The following GGA2 variants were observed in gnomAD, a reference collection of about 807,000 sequenced individuals.
GGA2 encodes the protein golgi associated, gamma adaptin ear containing, ARF binding protein 2.
A neutral mutation model predicts 79.5 loss-of-function variants in GGA2; 48 were observed. The observed-to-expected ratio is 0.60, with a 90% CI of 0.48 to 0.77. The LOEUF is 0.77. Ranked by LOEUF, GGA2 falls within the 30% of genes least tolerant of loss-of-function variation. GGA2 has a pLI of 0.00. For missense variants in GGA2, 770 were observed against 774.0 expected, an observed-to-expected ratio of 0.99 and a Z score of 0.06; for synonymous variants, 317 against 302.0, an observed-to-expected ratio of 1.05 and a Z score of -0.51.
chr16:23,510,356 G>T lies in GGA2; in HGVS notation c.56C>A (p.Pro19His), dbSNP rs1034211931. 4.9e-6 allele frequency: 7 copies of T among 1,437,044 alleles called. No homozygotes were observed. Among genetic ancestry groups the T allele is most frequent in the Non-Finnish European group, 5.5e-6 (6 of 1,095,912 alleles). 89.0% of individuals were successfully genotyped at this position (1,437,044 alleles called of 1,614,324 possible). ...CTCCAGCGACGCTGCCGGGCCCGGG[G>T]GACCCTGGGCCGACTCGGTTCCCGC... ...AVAGTESAQG[P>H]PGPAASLELW... The change falls in exon 1 of 17, where the codon CCC (proline) becomes CAC (histidine). Residue 19 changes from proline to histidine, a missense_variant. Physicochemically the swap from Pro to His is moderately conservative, Grantham distance 77. Transcript: ENST00000309859.
At chr16:23,478,242 AAG>A in intron 13 of GGA2, 124 bp downstream of exon 13, 2 of 665,000 alleles carry the variant, frequency 3.0e-6, no homozygotes, top group South Asian at 3.5e-5. Flanking sequence ...AAAAAAAAGA[AAG>A]AAAGAAAGAT....
chr16:23,494,390 CAA>C lies in GGA2; in HGVS notation c.177-14_177-13del, dbSNP rs773428937. ...GCGCATGTGTGGGGCTACAGGGAAA[CAA>C]AAAGACCTAGACTCTGGGCGGGCAA... is the stretch of plus-strand genomic sequence containing the variant. On this transcript the variant is annotated splice_polypyrimidine_tract_variant and intron_variant, in intron 2 of 16. Coordinates refer to ENST00000309859, the MANE Select transcript of GGA2 (RefSeq NM_015044.4). The C allele has an allele frequency of 3.2e-6, 5 of 1,580,906 alleles. No homozygotes were observed. In the East Asian group the frequency reaches 1.1e-4, roughly 35 times the overall value.
chr16:23,467,289 G>A lies in GGA2; in HGVS notation c.*301C>T, dbSNP rs1327191166. 3 of 303,870 alleles carry A rather than the reference G, an allele frequency of 9.9e-6. No homozygotes were observed. Among genetic ancestry groups the A allele is most frequent in the Non-Finnish European group, 1.8e-5 (3 of 162,288 alleles). 18.8% of individuals were successfully genotyped at this position (303,870 alleles called of 1,614,324 possible). A position where few individuals can be genotyped will look rare whatever the true frequency, so the allele number is the denominator to read the frequency against. Reference sequence around the variant, plus strand: ...CAGGGACAGTGTCGCTCGCTGACATGCAGAAACATGACTGTAGCAGAGATG... The same window carrying A: ...CAGGGACAGTGTCGCTCGCTGACATACAGAAACATGACTGTAGCAGAGATG... On this transcript the variant is annotated 3_prime_UTR_variant, in exon 17 of 17. Transcript: ENST00000309859.
Position 23,468,917 on chromosome 16 carries a change from G to A in GGA2, c.1700C>T (p.Ser567Phe), listed in dbSNP as rs1282835355. 2 of 1,609,030 alleles carry A rather than the reference G, an allele frequency of 1.2e-6. No homozygotes were observed. Among genetic ancestry groups the A allele is most frequent in the South Asian group, 1.1e-5 (1 of 90,992 alleles). ...TGGATTGTCAAGCAGCAGCATCTGA[G>A]ATATCACAGCTGGAGGCATCAAAGG... ...FSPLMPPAVI[S>F]QMLLLDNPHK... The change falls in exon 16 of 17, where the codon TCT becomes TTT. Residue 567 changes from serine to phenylalanine, a missense_variant. Ser to Phe is a radical substitution (Grantham distance 155). Coordinates refer to ENST00000309859, the MANE Select transcript of GGA2 (RefSeq NM_015044.4).
chr16:23,493,330 C>G (rs778352250), intron 4 of GGA2, 30 bp downstream of exon 4: 1 of 1,298,788 alleles, frequency 7.7e-7, no homozygotes, highest in Non-Finnish European at 1.1e-6. Context: ...AGGTGCGACA[C>G]AGTCAGCAGA....
At chr16:23,494,813 G>A (rs1442261134) in intron 2 of GGA2, among the ~76,000 whole-genome samples, 6 of 152,254 alleles carry the variant, frequency 3.9e-5, no homozygotes, top group Admixed American at 1.3e-4. Context: ...CAGGCACAGT[G>A]GCTCACGCCT....
At chr16:23,476,177 A>T (rs1382535469) in intron 13 of GGA2, among the ~76,000 whole-genome samples, 2 of 152,226 alleles carry the variant, frequency 1.3e-5, no homozygotes, top group African/African-American at 2.4e-5. Flanking sequence ...CAAACTGAAA[A>T]CATTTTAGAA....
At chr16:23,501,971 G>A (rs988044271) in intron 1 of GGA2, among the ~76,000 whole-genome samples, 1 of 152,156 alleles carries the variant, frequency 6.6e-6, no homozygotes, top group African/African-American at 2.4e-5. Flanking sequence ...TCCCTGCTCA[G>A]AGTCCACAAT....
intron 9 of GGA2, 82 bp downstream of exon 9, chr16:23,482,841 T>A (rs895955015): frequency 2.3e-6 from 2 of 873,880 alleles, no homozygotes; most frequent in Non-Finnish European, 3.9e-6. Flanking sequence ...TCTGTCTTGT[T>A]CCTGGCACAG....
chr16:23,516,068 T>C (rs927290975), intron 2 of GGA2, among the ~76,000 whole-genome samples: 1 of 151,144 alleles, frequency 6.6e-6, no homozygotes, highest in African/African-American at 2.4e-5. Flanking sequence ...AGAGCAGTGG[T>C]ACAATCACAG....
chr16:23,507,265 C>T (rs1021386764), intron 1 of GGA2, among the ~76,000 whole-genome samples: 2 of 152,126 alleles, frequency 1.3e-5, no homozygotes, highest in African/African-American at 2.4e-5. Context: ...ACAGGAAGAT[C>T]TAGCAACTTT....
chr16:23,497,602 C>T (rs530551760), intron 1 of GGA2, among the ~76,000 whole-genome samples: 2 of 152,176 alleles, frequency 1.3e-5, no homozygotes, highest in African/African-American at 2.4e-5. Flanking sequence ...TCCCCACCCC[C>T]GCAAAGCTCT....
chr16:23,485,436 C>A lies in GGA2; in HGVS notation c.798+579G>T, dbSNP rs536030417. Among the ~76,000 whole-genome samples the A allele has an allele frequency of 2.6e-5, 4 of 152,292 alleles. No individual in the cohort carries two copies. In the East Asian group the frequency reaches 7.7e-4, roughly 29 times the overall value. Reference sequence around the variant, plus strand: ...CTGCTGTTAGGACTGTAAAATGGTGCAATCACCCTTGAAGATAGCTTAGCC... The same window carrying A: ...CTGCTGTTAGGACTGTAAAATGGTGAAATCACCCTTGAAGATAGCTTAGCC... On this transcript the variant is annotated intron_variant, in intron 8 of 16. Transcript: ENST00000309859.
Position 23,466,868 on chromosome 16 carries a change from G to GC in GGA2, c.*721dup, listed in dbSNP as rs1964443810. The GC allele has an allele frequency of 6.5e-6, 1 of 152,838 alleles. No homozygotes were observed. Among genetic ancestry groups the GC allele is most frequent in the Non-Finnish European group, 1.5e-5 (1 of 68,210 alleles). The allele number at this position is 152,838 out of a possible 1,614,324, so 9.5% of individuals were successfully genotyped here. A position where few individuals can be genotyped will look rare whatever the true frequency, so the allele number is the denominator to read the frequency against. On this transcript the variant is annotated 3_prime_UTR_variant, in exon 17 of 17. Transcript: ENST00000309859. ...CCCATGGACCTGAGGCCTGAGTAAG[G>GC]CCTGGGAGCTGCTTTCCCCTCTGCC...
chr16:23,519,550 AT>A, intron 2 of GGA2: 1 of 390,430 alleles, frequency 2.6e-6, no homozygotes, highest in Non-Finnish European at 5.1e-6. Flanking sequence ...AATATTGGTT[AT>A]TTAATTGGTG....
chr16:23,487,878 C>T (rs551310046), intron 6 of GGA2, among the ~76,000 whole-genome samples: 36 of 152,106 alleles, frequency 2.4e-4, no homozygotes, highest in African/African-American at 7.5e-4. Flanking sequence ...GAAACGAGTA[C>T]GCAGCGTGTA....
At chr16:23,476,514 G>A (rs926143008) in intron 13 of GGA2, among the ~76,000 whole-genome samples, 2 of 152,122 alleles carry the variant, frequency 1.3e-5, no homozygotes, top group African/African-American at 4.8e-5. Context: ...GTCCAAAAAA[G>A]GGAAATGATC....
chr16:23,492,444 G>C (rs1964800855), intron 4 of GGA2, among the ~76,000 whole-genome samples: 7 of 152,162 alleles, frequency 4.6e-5, no homozygotes, highest in Admixed American at 4.6e-4. Context: ...CCTAGTGCTA[G>C]TTCAAGCCAG....
At chr16:23,508,868 G>A (rs951066874) in intron 1 of GGA2, among the ~76,000 whole-genome samples, 1 of 152,056 alleles carries the variant, frequency 6.6e-6, no homozygotes, top group Non-Finnish European at 1.5e-5. Flanking sequence ...CCTCACAGGG[G>A]AGGCATCTGT....
Sources: allele counts gnomAD v4.1 joint callset (sites outside exome capture counted in the v4.1 genomes callset), GRCh38; gene constraint gnomAD v4.1.1; transcripts MANE v1.5; gene names NCBI Gene and HGNC (gene_info 2026-07-23, HGNC 2026-07-21).